The following KAZN variants were observed in gnomAD, a reference collection of about 807,000 sequenced individuals.
KAZN encodes the protein kazrin.
KAZN carries 40 observed loss-of-function variants against 87.4 expected under a neutral mutation model. That is an observed-to-expected ratio of 0.46 (90% CI 0.36 to 0.60). The LOEUF is 0.60. Ranked by LOEUF, KAZN falls within the 20% of genes least tolerant of loss-of-function variation. KAZN has a pLI of 0.00. For missense variants in KAZN, 898 were observed against 1,073.9 expected (o/e 0.84, Z 2.29); for synonymous variants, 466 against 458.3 (o/e 1.02, Z -0.22).
chr1:14,555,995 C>T (rs767459683), intron 2 of KAZN, among the ~76,000 whole-genome samples: 17 of 152,184 alleles, frequency 1.1e-4, no homozygotes, highest in Non-Finnish European at 2.1e-4. Flanking sequence ...TGCTTGGTTT[C>T]CCAACTCCCC....
chr1:14,496,359 G>C (rs1225463529), intron 2 of KAZN, among the ~76,000 whole-genome samples: 1 of 152,150 alleles, frequency 6.6e-6, no homozygotes, highest in Non-Finnish European at 1.5e-5. Flanking sequence ...CATTCTGGGG[G>C]GAAGGGAATA....
At chr1:14,614,837 A>G (rs1034450123) in intron 1 of KAZN, among the ~76,000 whole-genome samples, 1 of 152,244 alleles carries the variant, frequency 6.6e-6, no homozygotes, top group Non-Finnish European at 1.5e-5. Context: ...GAAGTTCAGC[A>G]TCTATAGCAC....
At chr1:14,659,891 AAAAG>A (rs997750533) in intron 1 of KAZN, among the ~76,000 whole-genome samples, 12 of 152,124 alleles carry the variant, frequency 7.9e-5, no homozygotes, top group Admixed American at 4.6e-4. Flanking sequence ...TAAAAAAAAA[AAAAG>A]AAAGCCAAAC....
intron 1 of KAZN, among the ~76,000 whole-genome samples, chr1:14,045,233 G>A (rs1642015975): frequency 6.6e-6 from 1 of 152,302 alleles, no homozygotes; most frequent in African/African-American, 2.4e-5. Context: ...CAGCCACTAA[G>A]TGTTGGGGTA....
At chr1:14,514,584 T>TATATGAAATATATA (rs1210009776) in intron 2 of KAZN, among the ~76,000 whole-genome samples, 6,206 of 29,638 alleles carry the variant, frequency 0.21, 1,382 homozygotes, top group Non-Finnish European at 0.28. Context: ...TTTTATATAT[T>TATATGAAATATATA]TTTTTATATT....
intron 2 of KAZN, among the ~76,000 whole-genome samples, chr1:14,462,943 C>T (rs888830742): frequency 4.6e-5 from 7 of 152,078 alleles, no homozygotes; most frequent in Admixed American, 2.0e-4. Context: ...AGAATTCAAG[C>T]GTGAGCTGGT....
At chr1:14,743,025 A>G (rs1363820722) in intron 1 of KAZN, among the ~76,000 whole-genome samples, 1 of 152,158 alleles carries the variant, frequency 6.6e-6, no homozygotes, top group Non-Finnish European at 1.5e-5. Flanking sequence ...GCTTTGGTGG[A>G]TTTGAAATAT....
chr1:14,083,154 T>C (rs1257599760), intron 1 of KAZN, among the ~76,000 whole-genome samples: 1 of 152,214 alleles, frequency 6.6e-6, no homozygotes. Flanking sequence ...AACCTAATTG[T>C]CCTCACCCAT....
At chr1:14,815,630 G>A (rs866470586) in intron 1 of KAZN, among the ~76,000 whole-genome samples, 1 of 152,130 alleles carries the variant, frequency 6.6e-6, no homozygotes, top group African/African-American at 2.4e-5. Context: ...TTTACAAATG[G>A]TGCTGGAATT....
At chr1:14,380,594 T>C (rs1661283632) in intron 2 of KAZN, among the ~76,000 whole-genome samples, 1 of 152,060 alleles carries the variant, frequency 6.6e-6, no homozygotes, top group African/African-American at 2.4e-5. Context: ...ACATCAGAGT[T>C]TTTTAATAGC....
chr1:14,972,600 T>G (rs1665180695), intron 2 of KAZN, among the ~76,000 whole-genome samples: 1 of 151,602 alleles, frequency 6.6e-6, no homozygotes, highest in Non-Finnish European at 1.5e-5. Context: ...ACTGCAACCC[T>G]GCCTCCCGAG....
intron 1 of KAZN, among the ~76,000 whole-genome samples, chr1:14,706,212 G>A (rs150499724): frequency 3.9e-4 from 60 of 151,994 alleles, no homozygotes; most frequent in African/African-American, 1.3e-3. Flanking sequence ...CAAGCTCAGG[G>A]CTCCCATTGA....
intron 2 of KAZN, among the ~76,000 whole-genome samples, chr1:14,971,712 C>T (rs963690248): frequency 7.6e-6 from 1 of 132,432 alleles, no homozygotes; most frequent in African/African-American, 2.8e-5. Flanking sequence ...GACGGACTCT[C>T]GCTCTGTTGC....
chr1:14,941,809 A>G (rs1012428743), intron 1 of KAZN, among the ~76,000 whole-genome samples: 1 of 152,214 alleles, frequency 6.6e-6, no homozygotes, highest in African/African-American at 2.4e-5. Context: ...AAGAAGGACC[A>G]GAGAGCTGCT....
At chr1:14,256,416 A>C (rs554633414) in intron 2 of KAZN, among the ~76,000 whole-genome samples, 1 of 152,210 alleles carries the variant, frequency 6.6e-6, no homozygotes, top group Admixed American at 6.5e-5. Flanking sequence ...GAGAGAGGGA[A>C]AGGAAGGAAA....
At chr1:14,271,279 G>T (rs2100683204) in intron 2 of KAZN, among the ~76,000 whole-genome samples, 1 of 152,282 alleles carries the variant, frequency 6.6e-6, no homozygotes, top group Admixed American at 6.5e-5. Flanking sequence ...TGTATTCTGA[G>T]GTTCCTGAAG....
At position 14,065,239 on chromosome 1, in the gene KAZN, C is replaced by T. The variant is rs573155170; in HGVS notation, c.92-115196C>T. 1.5e-3 allele frequency among the ~76,000 whole-genome samples: 235 copies of T among 152,240 alleles called. 2 individuals carry two copies. The highest frequency in any genetic ancestry group is 5.4e-3 in the African/African-American group (223 of 41,528). On this transcript the variant is annotated intron_variant, in intron 1 of 16. Coordinates refer to the KAZN transcript ENST00000636203. ...ATAACATGATAAAGCTCATTCAGGT[C>T]ACATGGACGGTGAAGGAACAGAGGA...
At chr1:14,973,625 A>C (rs997702818) in intron 2 of KAZN, among the ~76,000 whole-genome samples, 2 of 152,164 alleles carry the variant, frequency 1.3e-5, no homozygotes, top group Non-Finnish European at 1.5e-5. Context: ...CCTCTTTCCA[A>C]ATAAGGAAAG....
At chr1:14,953,362 C>T (rs775038260) in intron 1 of KAZN, among the ~76,000 whole-genome samples, 2 of 152,246 alleles carry the variant, frequency 1.3e-5, no homozygotes, top group Non-Finnish European at 2.9e-5. Context: ...AGACCTTGCT[C>T]CTCTCCTTTT....
Sources: gnomAD v4.1 joint callset for allele counts (sites outside exome capture counted in the v4.1 genomes callset) on GRCh38, gnomAD v4.1.1 for gene constraint, MANE v1.5 for transcripts, NCBI Gene and HGNC (gene_info 2026-07-23, HGNC 2026-07-21) for gene names.